The following IL1RAPL2 variants were observed in gnomAD, a reference collection of about 807,000 sequenced individuals.
IL1RAPL2 encodes the protein interleukin 1 receptor accessory protein like 2, also known as X-linked interleukin-1 receptor accessory protein-like 2.
IL1RAPL2 carries 3 observed loss-of-function variants against 44.1 expected under a neutral mutation model. That is an observed-to-expected ratio of 0.07 (90% CI 0.03 to 0.18). IL1RAPL2 has a LOEUF of 0.18. IL1RAPL2 is among the 10% of genes least tolerant of loss of function. The probability of loss-of-function intolerance (pLI) is 1.00; values close to 1 mark genes in which losing one functional copy is unlikely to be tolerated. For missense variants in IL1RAPL2, 391 were observed against 496.4 expected, an observed-to-expected ratio of 0.79 and a Z score of 2.02; for synonymous variants, 181 against 178.8, an observed-to-expected ratio of 1.01 and a Z score of -0.10.
chrX:105,215,615 G>C (rs1409892197), intron 3 of IL1RAPL2, among the ~76,000 whole-genome samples: 1 of 111,627 alleles, frequency 9.0e-6, no homozygotes, highest in Admixed American at 9.5e-5. Context: ...TTTTATGAGG[G>C]CAGCATCATC....
intron 6 of IL1RAPL2, among the ~76,000 whole-genome samples, chrX:105,488,990 G>A (rs1241439521): frequency 1.8e-5 from 2 of 111,999 alleles, no homozygotes; most frequent in African/African-American, 6.5e-5. Context: ...AGTGATGACA[G>A]TTTGGTTGTT....
chrX:105,084,577 C>A (rs2032456178), intron 2 of IL1RAPL2, among the ~76,000 whole-genome samples: 1 of 112,518 alleles, frequency 8.9e-6, no homozygotes, highest in South Asian at 3.7e-4. Context: ...CCAATGCCTG[C>A]AATCTTATCA....
chrX:104,767,711 A>C (rs1291419223), intron 2 of IL1RAPL2, among the ~76,000 whole-genome samples: 1 of 112,281 alleles, frequency 8.9e-6, no homozygotes, highest in African/African-American at 3.2e-5. Context: ...AACACCATTC[A>C]AAACAACATG....
At chrX:104,980,400 T>C (rs2030415302) in intron 2 of IL1RAPL2, among the ~76,000 whole-genome samples, 1 of 111,818 alleles carries the variant, frequency 8.9e-6, no homozygotes. Flanking sequence ...TTATTTGAAA[T>C]TCTACTTTAT....
At chrX:104,795,735 T>C (rs1434092079) in intron 2 of IL1RAPL2, among the ~76,000 whole-genome samples, 1 of 111,731 alleles carries the variant, frequency 9.0e-6, no homozygotes, top group Non-Finnish European at 1.9e-5. Flanking sequence ...TGCTGGGACT[T>C]GGTCTGCATG....
chrX:105,639,507 A>C (rs920858847), intron 6 of IL1RAPL2, among the ~76,000 whole-genome samples: 3 of 111,786 alleles, frequency 2.7e-5, no homozygotes, highest in East Asian at 2.8e-4. Context: ...GATCTAGTAC[A>C]CATCTGAAAG....
At chrX:105,522,375 G>A (rs1291524031) in intron 6 of IL1RAPL2, among the ~76,000 whole-genome samples, 1 of 112,448 alleles carries the variant, frequency 8.9e-6, no homozygotes, top group Non-Finnish European at 1.9e-5. Flanking sequence ...TGAGAACCAT[G>A]TATCAATGAA....
Position 105,072,587 on chromosome X carries a change from C to T in IL1RAPL2, c.83-122888C>T, listed in dbSNP as rs144520328. Among the ~76,000 whole-genome samples, 20 of 110,135 alleles carry T rather than the reference C, an allele frequency of 1.8e-4. No homozygotes were observed. In the East Asian group the frequency reaches 4.3e-3, roughly 24 times the overall value. On this transcript the variant is annotated intron_variant, in intron 2 of 10. Transcript: ENST00000372582. ...AAATCCAGGCTGAGGTGGTCTCAGA[C>T]GGAAATGAGGAACTTATTGGGAATT... is the stretch of plus-strand genomic sequence containing the variant.
At chrX:104,896,621 G>A (rs1337292330) in intron 2 of IL1RAPL2, among the ~76,000 whole-genome samples, 2 of 111,741 alleles carry the variant, frequency 1.8e-5, no homozygotes, top group Non-Finnish European at 3.8e-5. Flanking sequence ...GCACCAAGCA[G>A]CACTCTGTAA....
At chrX:104,918,812 C>G (rs886545724) in intron 2 of IL1RAPL2, among the ~76,000 whole-genome samples, 1 of 111,650 alleles carries the variant, frequency 9.0e-6, no homozygotes, top group Non-Finnish European at 1.9e-5. Flanking sequence ...TCTGGAAGCC[C>G]GTATACTATT....
chrX:105,542,635 T>G (rs1290041164), intron 6 of IL1RAPL2, among the ~76,000 whole-genome samples: 1 of 110,699 alleles, frequency 9.0e-6, no homozygotes, highest in Non-Finnish European at 1.9e-5. Flanking sequence ...ATTTGTCATT[T>G]AATCCTCACA....
chrX:104,867,161 C>T (rs1185519242), intron 2 of IL1RAPL2, among the ~76,000 whole-genome samples: 3 of 102,725 alleles, frequency 2.9e-5, no homozygotes, highest in Admixed American at 1.1e-4. Context: ...GGCATGAACC[C>T]GGGAGGCGGA....
At chrX:105,165,705 A>G (rs1018578026) in intron 2 of IL1RAPL2, among the ~76,000 whole-genome samples, 5 of 112,236 alleles carry the variant, frequency 4.5e-5, no homozygotes, top group Non-Finnish European at 9.4e-5. Context: ...TGCTCTAGCC[A>G]TATGGAACCA....
intron 2 of IL1RAPL2, among the ~76,000 whole-genome samples, chrX:104,842,099 T>G (rs1176681443): frequency 2.7e-5 from 3 of 110,416 alleles, no homozygotes; most frequent in Non-Finnish European, 5.7e-5. Flanking sequence ...TTTCATTTTT[T>G]TTCTTTAATC....
chrX:104,946,688 A>C (rs1471847114), intron 2 of IL1RAPL2, among the ~76,000 whole-genome samples: 6 of 101,054 alleles, frequency 5.9e-5, no homozygotes, highest in African/African-American at 2.2e-4. Flanking sequence ...TTCTTGCAAT[A>C]GTTTACTGAG....
chrX:104,659,116 G>C lies in IL1RAPL2; in HGVS notation c.82+121G>C, dbSNP rs1305866736. ...ATAGAAGCACTCGTATTCCAGTTAT[G>C]TTGGAAAGTAGCCAAAATAAAAATG... On this transcript the variant is annotated intron_variant, in intron 2 of 10. Transcript: ENST00000372582. The C allele has an allele frequency of 8.5e-6, 4 of 471,430 alleles. No individual in the cohort carries two copies. In the East Asian group the frequency reaches 1.5e-4, roughly 17 times the overall value. 38.9% of individuals were successfully genotyped at this position (471,430 alleles called of 1,213,427 possible).
intron 5 of IL1RAPL2, among the ~76,000 whole-genome samples, chrX:105,293,408 G>C (rs1433748663): frequency 9.0e-6 from 1 of 111,597 alleles, no homozygotes; most frequent in African/African-American, 3.3e-5. Flanking sequence ...CCTGAAAGGA[G>C]AATTGCTGGA....
At chrX:104,762,144 C>T (rs1039205077) in intron 2 of IL1RAPL2, among the ~76,000 whole-genome samples, 2 of 108,716 alleles carry the variant, frequency 1.8e-5, no homozygotes, top group Non-Finnish European at 3.8e-5. Flanking sequence ...ATTACAGGTG[C>T]CCACCACCAC....
intron 2 of IL1RAPL2, among the ~76,000 whole-genome samples, chrX:105,065,691 G>C (rs937250910): frequency 1.8e-5 from 2 of 112,086 alleles, no homozygotes; most frequent in African/African-American, 6.5e-5. Flanking sequence ...AATGCTGGCA[G>C]TGGGGTTGTG....
Sources: gnomAD v4.1 joint callset for allele counts (sites outside exome capture counted in the v4.1 genomes callset) on GRCh38, gnomAD v4.1.1 for gene constraint, MANE v1.5 for transcripts, NCBI Gene and HGNC (gene_info 2026-07-23, HGNC 2026-07-21) for gene names.